Variants in EFCAB13 observed in about 807,000 individuals in gnomAD.
EFCAB13 encodes EF-hand calcium binding domain 13.
Under a neutral mutation model 110.2 loss-of-function variants are expected in EFCAB13, and 91 were observed. The observed-to-expected ratio is 0.83, with a 90% CI of 0.70 to 0.98. The LOEUF (loss-of-function observed/expected upper bound fraction) is 0.98, where lower values mean the gene tolerates loss of function less well. Ranked by LOEUF, EFCAB13 falls within the 50% of genes least tolerant of loss-of-function variation. The pLI is 0.00. For synonymous variants in EFCAB13, 323 were observed against 369.9 expected, an observed-to-expected ratio of 0.87 and a Z score of 1.45; for missense variants, 968 against 1,119.4, an observed-to-expected ratio of 0.86 and a Z score of 1.93.
intron 11 of EFCAB13, among the ~76,000 whole-genome samples, chr17:47,373,582 G>A (rs2065597490): frequency 6.6e-6 from 1 of 152,064 alleles, no homozygotes; most frequent in Non-Finnish European, 1.5e-5. Context: ...AGAGATTCTG[G>A]GCAGGCTGTT....
intron 16 of EFCAB13, among the ~76,000 whole-genome samples, chr17:47,395,339 T>C (rs2065731338): frequency 6.6e-6 from 1 of 152,224 alleles, no homozygotes; most frequent in South Asian, 2.1e-4. Flanking sequence ...ATTCTCTATA[T>C]AGCAGCACAG....
At position 47,335,303 on chromosome 17, in the gene EFCAB13, A is replaced by G; in HGVS notation, c.138A>G (p.Ile46Met). The G allele has an allele frequency of 3.1e-6, 5 of 1,608,292 alleles. 1 individual carries two copies. The Middle Eastern group carries it at 8.3e-4, about 266-fold the overall frequency. ...AATACATCAAGTTTTCTAAAACAAT[A>G]GAGAAGGAAATTTCACCGGAAATTA... is the stretch of plus-strand genomic sequence containing the variant. The part of the protein sequence containing the change: ...HKKYIKFSKT[I>M]EKEISPEIRS... Residue 46 changes from isoleucine (I) to methionine (M), a missense_variant, in exon 5 of 25, where the codon ATA becomes ATG. Coordinates refer to ENST00000331493, the MANE Select transcript of EFCAB13 (RefSeq NM_152347.5).
At chr17:47,331,826 A>G (rs1401815666) in intron 4 of EFCAB13, among the ~76,000 whole-genome samples, 4 of 152,142 alleles carry the variant, frequency 2.6e-5, no homozygotes. Flanking sequence ...ATTATACAAT[A>G]TGGAACCATT....
At chr17:47,390,365 G>T (rs1276861780) in intron 14 of EFCAB13, among the ~76,000 whole-genome samples, 2 of 148,768 alleles carry the variant, frequency 1.3e-5, no homozygotes, top group Non-Finnish European at 3.0e-5. Context: ...CTCTCTCTGT[G>T]TTTTTTCATC....
chr17:47,395,703 A>G lies in EFCAB13; in HGVS notation c.1802-131A>G. ...ATGTTTTCATTTTTGAAAGTTGGCAATTCATTTATGCTATATTTATTATTC... is the reference window on the plus strand; with the variant it reads ...ATGTTTTCATTTTTGAAAGTTGGCAGTTCATTTATGCTATATTTATTATTC... On this transcript the variant is annotated intron_variant, in intron 16 of 24. Transcript: ENST00000331493. 6.8e-6 allele frequency: 4 copies of G among 588,930 alleles called. No individual in the cohort carries two copies. In the Middle Eastern group the frequency reaches 1.3e-3, roughly 190 times the overall value. 36.5% of individuals were successfully genotyped at this position (588,930 alleles called of 1,614,324 possible). A position where few individuals can be genotyped will look rare whatever the true frequency, so the allele number is the denominator to read the frequency against.
At chr17:47,393,101 T>C (rs1401946879) in intron 15 of EFCAB13, among the ~76,000 whole-genome samples, 1 of 148,608 alleles carries the variant, frequency 6.7e-6, no homozygotes, top group African/African-American at 2.5e-5. Flanking sequence ...ATGAGATACT[T>C]AAAAAAAAAA....
chr17:47,379,834 GT>G (rs1230018691), intron 14 of EFCAB13, among the ~76,000 whole-genome samples: 1 of 152,002 alleles, frequency 6.6e-6, no homozygotes, highest in East Asian at 1.9e-4. Flanking sequence ...ATTTTGTTCT[GT>G]TTATACATAT....
intron 17 of EFCAB13, among the ~76,000 whole-genome samples, chr17:47,400,879 TA>T (rs2065775428): frequency 1.3e-5 from 2 of 152,230 alleles, no homozygotes; most frequent in African/African-American, 4.8e-5. Context: ...CGTCTTTATA[TA>T]ACATGGTCTT....
Position 47,349,773 on chromosome 17 carries a change from T to TC in EFCAB13, c.661+1822_661+1823insC, listed in dbSNP as rs752004397. Among the ~76,000 whole-genome samples the TC allele has an allele frequency of 2.8e-3, 386 of 138,692 alleles. 1 individual carries two copies. Among genetic ancestry groups the TC allele is most frequent in the Non-Finnish European group, 4.1e-3 (266 of 64,364 alleles). The allele number at this position is 138,692 out of a possible 152,430, so 91.0% of individuals were successfully genotyped here. ...GGCTGATGTTTCTTTTTTTTTTTTT[T>TC]TTTTTTTTTTTTGAGACGGAGTCTC... On this transcript the variant is annotated intron_variant, in intron 9 of 24. Transcript: ENST00000331493.
intron 1 of EFCAB13, 164 bp downstream of exon 1, chr17:47,324,238 G>T (rs1273616930): frequency 6.5e-6 from 1 of 153,086 alleles, no homozygotes; most frequent in East Asian, 1.9e-4. Context: ...AAGGAACAGT[G>T]AGGGGACTGA....
intron 5 of EFCAB13, among the ~76,000 whole-genome samples, chr17:47,338,630 C>A (rs1458016385): frequency 6.6e-6 from 1 of 152,036 alleles, no homozygotes; most frequent in Admixed American, 6.6e-5. Flanking sequence ...TCCTCTCTCT[C>A]CCTTGCTTTC....
At chr17:47,415,687 C>A (rs1182279746) in intron 23 of EFCAB13, among the ~76,000 whole-genome samples, 1 of 152,158 alleles carries the variant, frequency 6.6e-6, no homozygotes, top group Non-Finnish European at 1.5e-5. Flanking sequence ...TTAAGTCATG[C>A]CTCTGGAGTT....
chr17:47,336,438 A>T (rs2065351133), intron 5 of EFCAB13, among the ~76,000 whole-genome samples: 1 of 151,616 alleles, frequency 6.6e-6, no homozygotes, highest in African/African-American at 2.4e-5. Context: ...ATTATAGGCG[A>T]CCACCACCAT....
chr17:47,385,721 G>C (rs2065672247), intron 14 of EFCAB13, among the ~76,000 whole-genome samples: 1 of 152,038 alleles, frequency 6.6e-6, no homozygotes, highest in Non-Finnish European at 1.5e-5. Flanking sequence ...GAGGAGAAGA[G>C]GCATTCTGGT....
At chr17:47,344,118 G>A (rs777077005) in intron 6 of EFCAB13, 44 bp from the exon 7 acceptor site, 1 of 1,585,816 alleles carries the variant, frequency 6.3e-7, no homozygotes, top group Admixed American at 1.8e-5. Flanking sequence ...TGAATTACCA[G>A]TGTCACTCAC....
At chr17:47,331,185 G>A (rs1412296377) in intron 4 of EFCAB13, among the ~76,000 whole-genome samples, 1 of 152,066 alleles carries the variant, frequency 6.6e-6, no homozygotes, top group African/African-American at 2.4e-5. Flanking sequence ...TTTGTTGGAT[G>A]TATAGTTTGC....
At chr17:47,435,820 T>C (rs896873356) in intron 24 of EFCAB13, among the ~76,000 whole-genome samples, 1 of 152,138 alleles carries the variant, frequency 6.6e-6, no homozygotes. Flanking sequence ...TCCAGTACTA[T>C]GTTGAAGAGG....
chr17:47,363,564 T>C (rs1245299572), intron 10 of EFCAB13, among the ~76,000 whole-genome samples: 1 of 151,318 alleles, frequency 6.6e-6, no homozygotes, highest in East Asian at 1.9e-4. Context: ...AGAGTGTACA[T>C]AGGCTGCTAA....
At chr17:47,395,675 A>G (rs2065733041) in intron 16 of EFCAB13, among the ~76,000 whole-genome samples, 159 bp from the exon 17 acceptor site, 3 of 152,162 alleles carry the variant, frequency 2.0e-5, no homozygotes, top group African/African-American at 7.2e-5. Flanking sequence ...TAAATATTTT[A>G]TTATGTTTTC....
Sources: gnomAD v4.1 joint callset for allele counts (sites outside exome capture counted in the v4.1 genomes callset) on GRCh38, gnomAD v4.1.1 for gene constraint, MANE v1.5 for transcripts, NCBI Gene and HGNC (gene_info 2026-07-23, HGNC 2026-07-21) for gene names.